Variants in AP4E1 observed in about 807,000 individuals in gnomAD.
AP4E1 encodes AP-4 complex subunit epsilon-1.
In AP4E1, 56 loss-of-function variants were observed where a neutral mutation model predicts 128.2. The observed-to-expected ratio is 0.44, with a 90% CI of 0.35 to 0.55. AP4E1 has a LOEUF of 0.55. Among genes scored for constraint, AP4E1 ranks in the 20% least tolerant of loss-of-function variants. The pLI is 0.00. For missense variants in AP4E1, 1,324 were observed against 1,307.7 expected (o/e 1.01, Z -0.19); for synonymous variants, 484 against 473.1 (o/e 1.02, Z -0.30).
chr15:50,977,964 C>T (rs973534179), intron 15 of AP4E1, among the ~76,000 whole-genome samples: 1 of 152,128 alleles, frequency 6.6e-6, no homozygotes, highest in Non-Finnish European at 1.5e-5. Flanking sequence ...CCTCTTCTGC[C>T]TCCAAAAATT....
chr15:50,919,999 C>T lies in AP4E1; in HGVS notation c.347-3932C>T, dbSNP rs139177996. Reference sequence around the variant, plus strand: ...GGCTGGGGTCAGAGGATTGCTTGAACCTGGGAGGCGGAGATTGTGGTAAGC... The same window carrying T: ...GGCTGGGGTCAGAGGATTGCTTGAATCTGGGAGGCGGAGATTGTGGTAAGC... On this transcript the variant is annotated intron_variant, in intron 3 of 20. Transcript: ENST00000261842. Among the ~76,000 whole-genome samples, 905 of 149,348 alleles carry T rather than the reference C, an allele frequency of 6.1e-3. 5 individuals carry two copies. The highest frequency in any genetic ancestry group is 9.6e-3 in the Non-Finnish European group (650 of 67,582).
rs926780859 is a variant in AP4E1, at chr15:50,910,900, C to G, written c.151-1178C>G. Reference sequence around the variant, plus strand: ...TGAACTCCTGACCTCAGGTAATCCACCTGCCTTGGCCTTGGCCTCCCAAAG... The same window carrying G: ...TGAACTCCTGACCTCAGGTAATCCAGCTGCCTTGGCCTTGGCCTCCCAAAG... On this transcript the variant is annotated intron_variant, in intron 1 of 20. Transcript: ENST00000261842. Among the ~76,000 whole-genome samples, 4 of 152,294 alleles carry G rather than the reference C, an allele frequency of 2.6e-5. No individual in the cohort carries two copies. In the East Asian group the frequency reaches 7.7e-4, roughly 29 times the overall value.
intron 13 of AP4E1, among the ~76,000 whole-genome samples, chr15:50,957,311 C>A (rs1016800117): frequency 6.6e-6 from 1 of 152,092 alleles, no homozygotes; most frequent in African/African-American, 2.4e-5. Context: ...CCGTCTCTGG[C>A]TGGATTCTTC....
chr15:50,935,560 G>A (rs1414045194), intron 8 of AP4E1, among the ~76,000 whole-genome samples: 3 of 152,160 alleles, frequency 2.0e-5, no homozygotes, highest in African/African-American at 4.8e-5. Flanking sequence ...TTAAAAGGTA[G>A]AACAGTTTGA....
rs2064982116 is a variant in AP4E1, at chr15:51,002,912, A to G, written c.*250A>G. ...CCTAAGCTAATGTTATAAACTGCTAATGATTTATATATCACTTAGTGTGTA... is the reference window on the plus strand; with the variant it reads ...CCTAAGCTAATGTTATAAACTGCTAGTGATTTATATATCACTTAGTGTGTA... On this transcript the variant is annotated 3_prime_UTR_variant, in exon 21 of 21. Coordinates refer to ENST00000261842, the MANE Select transcript of AP4E1 (RefSeq NM_007347.5). 1 of 459,644 alleles carries G rather than the reference A, an allele frequency of 2.2e-6. No homozygotes were observed. The highest frequency in any genetic ancestry group is 4.0e-6 in the Non-Finnish European group (1 of 250,282). 28.5% of individuals were successfully genotyped at this position (459,644 alleles called of 1,614,324 possible). A position where few individuals can be genotyped will look rare whatever the true frequency, so the allele number is the denominator to read the frequency against.
chr15:50,977,597 A>G (rs530990275), intron 15 of AP4E1, among the ~76,000 whole-genome samples: 4 of 152,202 alleles, frequency 2.6e-5, no homozygotes, highest in African/African-American at 7.2e-5. Flanking sequence ...ATAAAATTAT[A>G]TATCTTAGAA....
At chr15:50,934,819 T>C (rs2063885977) in intron 8 of AP4E1, 122 bp downstream of exon 8, 1 of 641,954 alleles carries the variant, frequency 1.6e-6, no homozygotes, top group Non-Finnish European at 2.7e-6. Flanking sequence ...AAGATAGTTC[T>C]TTGGATTATT....
At chr15:50,943,986 T>A (rs1362039906) in intron 10 of AP4E1, among the ~76,000 whole-genome samples, 1 of 152,168 alleles carries the variant, frequency 6.6e-6, no homozygotes, top group Non-Finnish European at 1.5e-5. Flanking sequence ...AAACCACAGA[T>A]AGGGGGTTTA....
chr15:50,941,537 T>C lies in AP4E1; in HGVS notation c.1039T>C (p.Ser347Pro). ...CAAGTGCATTGGAAAATTTGTTCTGTCACCTAAAATAAATCTAAAATATTT... is the reference window on the plus strand; with the variant it reads ...CAAGTGCATTGGAAAATTTGTTCTGCCACCTAAAATAAATCTAAAATATTT... ...AAKCIGKFVLSPKINLKYLGL... is the reference protein window; with the variant it reads ...AAKCIGKFVLPPKINLKYLGL... Residue 347 changes from serine to proline, a missense_variant, in exon 9 of 21, where the codon TCA becomes CCA. Physicochemically the swap from Ser to Pro is moderately conservative, Grantham distance 74. Coordinates refer to ENST00000261842, the MANE Select transcript of AP4E1 (RefSeq NM_007347.5). 2 of 1,613,074 alleles carry C rather than the reference T, an allele frequency of 1.2e-6. No homozygotes were observed. Among genetic ancestry groups the C allele is most frequent in the Non-Finnish European group, 8.5e-7 (1 of 1,179,558 alleles).
chr15:50,946,951 A>G (rs1400723173), intron 10 of AP4E1, among the ~76,000 whole-genome samples: 2 of 152,144 alleles, frequency 1.3e-5, no homozygotes, highest in East Asian at 1.9e-4. Context: ...TGGGCGGATC[A>G]CCTGAGGTCA....
In AP4E1 at chr15:50,974,940, T is replaced by C. The variant is rs76414278; in HGVS notation, c.1966+6563T>C. Among the ~76,000 whole-genome samples the C allele has an allele frequency of 3.4e-3, 522 of 152,312 alleles. 9 individuals are homozygous for C. The East Asian group carries it at 0.048, about 14-fold the overall frequency. ...AGGTTAACCCTTACCAGAAATGTGG[T>C]TTGCAAATATTTTCTCCTATTCCAT... On this transcript the variant is annotated intron_variant, in intron 15 of 20. Transcript: ENST00000261842.
At position 51,005,067 on chromosome 15, in the gene AP4E1, G is replaced by A. The variant is rs1163593938; in HGVS notation, c.*2405G>A. The A allele has an allele frequency of 6.6e-6, 1 of 152,214 alleles. No individual in the cohort carries two copies. The highest frequency in any genetic ancestry group is 1.5e-5 in the Non-Finnish European group (1 of 68,120). The allele number at this position is 152,214 out of a possible 1,614,324, so 9.4% of individuals were successfully genotyped here. A position where few individuals can be genotyped will look rare whatever the true frequency, so the allele number is the denominator to read the frequency against. On this transcript the variant is annotated 3_prime_UTR_variant, in exon 21 of 21. Coordinates refer to ENST00000261842, the MANE Select transcript of AP4E1 (RefSeq NM_007347.5). The stretch of plus-strand genomic sequence containing the variant: ...CCCGGCTAATTTTTTTATATTTTTA[G>A]TAGAGACAAGGTTTCTCCATGTTGG...
intron 2 of AP4E1, among the ~76,000 whole-genome samples, chr15:50,912,716 G>T (rs1417832556): frequency 6.7e-6 from 1 of 150,040 alleles, no homozygotes; most frequent in South Asian, 2.1e-4. Flanking sequence ...GGAGTGCAGT[G>T]GCGTGGCGTG....
At chr15:50,937,180 A>T (rs1177196202) in intron 8 of AP4E1, among the ~76,000 whole-genome samples, 1 of 152,214 alleles carries the variant, frequency 6.6e-6, no homozygotes, top group East Asian at 1.9e-4. Flanking sequence ...CTGCTTAAGA[A>T]TGTTAATTTT....
intron 14 of AP4E1, among the ~76,000 whole-genome samples, chr15:50,964,703 G>A (rs1212748422): frequency 6.6e-6 from 1 of 152,052 alleles, no homozygotes; most frequent in Non-Finnish European, 1.5e-5. Flanking sequence ...GATGGGCACA[G>A]TAGTATATTT....
intron 15 of AP4E1, among the ~76,000 whole-genome samples, chr15:50,970,776 G>A (rs2064467651): frequency 6.6e-6 from 1 of 152,110 alleles, no homozygotes; most frequent in South Asian, 2.1e-4. Flanking sequence ...TTTCTTGTAG[G>A]CAGTGTATTG....
chr15:50,932,913 G>GCT (rs966483847), intron 7 of AP4E1, among the ~76,000 whole-genome samples: 1 of 152,106 alleles, frequency 6.6e-6, no homozygotes, highest in African/African-American at 2.4e-5. Flanking sequence ...CTAACGTGGA[G>GCT]CTCTAGTTGG....
intron 14 of AP4E1, among the ~76,000 whole-genome samples, chr15:50,965,731 C>T (rs2064382848): frequency 6.6e-6 from 1 of 151,950 alleles, no homozygotes; most frequent in African/African-American, 2.4e-5. Flanking sequence ...ATTTGAGAAT[C>T]CAAAAAAGTG....
At chr15:50,929,284 T>G in intron 6 of AP4E1, 116 bp downstream of exon 6, 1 of 1,163,272 alleles carries the variant, frequency 8.6e-7, no homozygotes, top group Non-Finnish European at 1.2e-6. Context: ...ATAATTTTAT[T>G]ATTGACCTTT....
Sources: allele counts gnomAD v4.1 joint callset (sites outside exome capture counted in the v4.1 genomes callset), GRCh38; gene constraint gnomAD v4.1.1; transcripts MANE v1.5; gene names NCBI Gene and HGNC (gene_info 2026-07-23, HGNC 2026-07-21).